The following ARL3 variants were observed in gnomAD, a reference collection of about 807,000 sequenced individuals.
The protein encoded by ARL3 is ARF like GTPase 3.
ARL3 carries 9 observed loss-of-function variants against 26.0 expected under a neutral mutation model. That is an observed-to-expected ratio of 0.35 (90% confidence interval 0.21 to 0.60). The LOEUF (loss-of-function observed/expected upper bound fraction) is 0.60. ARL3 is among the 20% of genes least tolerant of loss of function. The pLI, the probability that ARL3 is intolerant of heterozygous loss-of-function variation, is 0.78. For synonymous variants in ARL3, 71 were observed against 78.4 expected (o/e 0.91, Z 0.50); for missense variants, 158 against 215.7 (o/e 0.73, Z 1.67).
At chr10:102,701,037 G>A (rs2064277452) in intron 2 of ARL3, among the ~76,000 whole-genome samples, 1 of 152,072 alleles carries the variant, frequency 6.6e-6, no homozygotes, top group South Asian at 2.1e-4. Flanking sequence ...GCACCGGGCT[G>A]GAAGTCTTCA....
chr10:102,702,491 T>C (rs966495942), intron 2 of ARL3, among the ~76,000 whole-genome samples: 8 of 152,130 alleles, frequency 5.3e-5, no homozygotes, highest in Non-Finnish European at 2.9e-5. Flanking sequence ...CACAATATAA[T>C]ATCAGAGTTA....
In ARL3 at chr10:102,686,090, GAGACAGAGTCT is replaced by G. The variant is rs1590120688; in HGVS notation, c.316-100_316-90del. On this transcript the variant is annotated intron_variant, in intron 4 of 5. Transcript: ENST00000260746. ...ACACTACTTTTTTTTTTTTTTTTTT[GAGACAGAGTCT>G]CACTCTGTCACCCAGGCTGGAGTGC... 6 of 757,504 alleles carry G rather than the reference GAGACAGAGTCT, an allele frequency of 7.9e-6. No individual in the cohort carries two copies. The East Asian group carries it at 1.9e-4, about 23-fold the overall frequency. The allele number at this position is 757,504 out of a possible 1,614,324, so 46.9% of individuals were successfully genotyped here.
At chr10:102,697,333 C>A (rs2064253801) in intron 3 of ARL3, among the ~76,000 whole-genome samples, 1 of 152,156 alleles carries the variant, frequency 6.6e-6, no homozygotes, top group Non-Finnish European at 1.5e-5. Flanking sequence ...CATCCACCAC[C>A]ATGCCCAGCT....
Position 102,686,070 on chromosome 10 carries a change from A to G in ARL3, c.316-69T>C, listed in dbSNP as rs1052667934. Reference sequence around the variant, plus strand: ...CATCTATGATATTTAACCATACACTACTTTTTTTTTTTTTTTTTTGAGACA... The same window carrying G: ...CATCTATGATATTTAACCATACACTGCTTTTTTTTTTTTTTTTTTGAGACA... On this transcript the variant is annotated intron_variant, in intron 4 of 5. Coordinates refer to ENST00000260746, the MANE Select transcript of ARL3 (RefSeq NM_004311.4). The G allele has an allele frequency of 5.2e-6, 6 of 1,146,796 alleles. No individual in the cohort carries two copies. The African/African-American group carries it at 6.5e-5, about 12-fold the overall frequency. The allele number at this position is 1,146,796 out of a possible 1,614,324, so 71.0% of individuals were successfully genotyped here. A position where few individuals can be genotyped will look rare whatever the true frequency, so the allele number is the denominator to read the frequency against.
chr10:102,704,151 CAAAAAAAA>C (rs56326932), intron 2 of ARL3, among the ~76,000 whole-genome samples: 1 of 46,094 alleles, frequency 2.2e-5, no homozygotes, highest in Non-Finnish European at 3.7e-5. Context: ...ACTCTGTCTC[CAAAAAAAA>C]AAAAAAAAAA....
intron 5 of ARL3, among the ~76,000 whole-genome samples, chr10:102,678,586 C>G (rs927809834): frequency 3.3e-5 from 5 of 152,248 alleles, no homozygotes; most frequent in African/African-American, 1.2e-4. Context: ...TCAACACTCT[C>G]TCCTCTACGG....
In ARL3 at chr10:102,673,963, A is replaced by G. The variant is rs1041296549; in HGVS notation, c.*2931T>C. On this transcript the variant is annotated 3_prime_UTR_variant, in exon 6 of 6. Coordinates refer to ENST00000260746, the MANE Select transcript of ARL3 (RefSeq NM_004311.4). ...CCGAGAAGGAAAGGAAAGGGAAATC[A>G]AAGCAAACTCTGACGGGAATGGAGA... The G allele has an allele frequency of 1.3e-5, 2 of 152,636 alleles. No individual in the cohort carries two copies. Among genetic ancestry groups the G allele is most frequent in the Non-Finnish European group, 1.5e-5 (1 of 68,068 alleles). 9.5% of individuals were successfully genotyped at this position (152,636 alleles called of 1,614,324 possible).
At chr10:102,694,878 C>T (rs995165924) in intron 3 of ARL3, among the ~76,000 whole-genome samples, 5 of 152,108 alleles carry the variant, frequency 3.3e-5, no homozygotes, top group Non-Finnish European at 7.4e-5. Context: ...GCCACTACAC[C>T]CGGCTAATTT....
chr10:102,712,606 A>T (rs1564735064), intron 1 of ARL3, among the ~76,000 whole-genome samples: 2 of 152,212 alleles, frequency 1.3e-5, no homozygotes, highest in Non-Finnish European at 2.9e-5. Context: ...GGCAGTGGTT[A>T]ATTTACTGTG....
intron 1 of ARL3, 44 bp downstream of exon 1, chr10:102,714,229 G>A (rs2064367686): frequency 1.5e-6 from 2 of 1,313,552 alleles, no homozygotes; most frequent in South Asian, 6.3e-5. Context: ...GACGGGAGGG[G>A]GATAACCGGC....
intron 2 of ARL3, among the ~76,000 whole-genome samples, chr10:102,702,156 T>C (rs770612616): frequency 2.2e-4 from 34 of 152,070 alleles, no homozygotes; most frequent in Non-Finnish European, 4.4e-4. Context: ...GGTGCCACTG[T>C]ACTCCAGCCT....
At chr10:102,710,837 G>A (rs1417284552) in intron 1 of ARL3, among the ~76,000 whole-genome samples, 3 of 152,208 alleles carry the variant, frequency 2.0e-5, no homozygotes, top group Non-Finnish European at 2.9e-5. Flanking sequence ...GATGTGCTAT[G>A]GACTACAGAC....
intron 3 of ARL3, among the ~76,000 whole-genome samples, chr10:102,690,793 A>G (rs2064212931): frequency 6.6e-6 from 1 of 152,064 alleles, no homozygotes; most frequent in Non-Finnish European, 1.5e-5. Flanking sequence ...ACAAACCCTC[A>G]AATTAATAAA....
chr10:102,685,244 C>T (rs1431303722), intron 5 of ARL3, among the ~76,000 whole-genome samples: 7 of 67,410 alleles, frequency 1.0e-4, no homozygotes, highest in African/African-American at 1.2e-4. Flanking sequence ...AATGAAACTC[C>T]GTCTCAAAAA....
rs60736499 is a variant in ARL3, at chr10:102,708,886, T to TAATA, written c.4-3398_4-3397insTATT. The stretch of plus-strand genomic sequence containing the variant: ...CAAAAACAAAAAATAAAACCATATA[T>TAATA]TATATATATATATATATATATATTT... On this transcript the variant is annotated intron_variant, in intron 1 of 5. Transcript: ENST00000260746. 1.5e-3 allele frequency among the ~76,000 whole-genome samples: 134 copies of TAATA among 90,470 alleles called. 3 individuals carry two copies. The highest frequency in any genetic ancestry group is 3.4e-3 in the South Asian group (9 of 2,684). The allele number at this position is 90,470 out of a possible 152,430, so 59.4% of individuals were successfully genotyped here. A position where few individuals can be genotyped will look rare whatever the true frequency, so the allele number is the denominator to read the frequency against.
Position 102,713,603 on chromosome 10 carries a change from A to C in ARL3, c.3+670T>G, listed in dbSNP as rs2064360541. 5.3e-5 allele frequency among the ~76,000 whole-genome samples: 8 copies of C among 152,348 alleles called. No homozygotes were observed. In the South Asian group the frequency reaches 1.7e-3, roughly 32 times the overall value. On this transcript the variant is annotated intron_variant, in intron 1 of 5. Transcript: ENST00000260746. Reference sequence around the variant, plus strand: ...AATGAAAAATCGGTCATCACCAACAATCAGATCCTGCAAAACTCTCAGCAA... The same window carrying C: ...AATGAAAAATCGGTCATCACCAACACTCAGATCCTGCAAAACTCTCAGCAA...
At chr10:102,696,068 A>T (rs1250837282) in intron 3 of ARL3, among the ~76,000 whole-genome samples, 1 of 151,474 alleles carries the variant, frequency 6.6e-6, no homozygotes, top group African/African-American at 2.4e-5. Context: ...GGTTCATGCC[A>T]TTCTCCTGCC....
chr10:102,679,668 G>A (rs1253872629), intron 5 of ARL3, among the ~76,000 whole-genome samples: 3 of 152,116 alleles, frequency 2.0e-5, no homozygotes, highest in Non-Finnish European at 4.4e-5. Context: ...CTAAAAACAG[G>A]GGCCTGAGAC....
rs1250249480 is a variant in ARL3, at chr10:102,686,007, T to G, written c.316-6A>C. 3.7e-6 allele frequency: 6 copies of G among 1,610,848 alleles called. No homozygotes were observed. Among genetic ancestry groups the G allele is most frequent in the Non-Finnish European group, 5.1e-6 (6 of 1,177,938 alleles). On this transcript the variant is annotated splice_polypyrimidine_tract_variant and splice_region_variant and intron_variant, in intron 4 of 5. Coordinates refer to ENST00000260746, the MANE Select transcript of ARL3 (RefSeq NM_004311.4). Reference sequence around the variant, plus strand: ...TCCAGTAATTCCGCTAGTTCCTGGATTTTGAGAAGGGAGAGGGAGGGAAGG... The same window carrying G: ...TCCAGTAATTCCGCTAGTTCCTGGAGTTTGAGAAGGGAGAGGGAGGGAAGG...
Sources: gnomAD v4.1 joint callset for allele counts (sites outside exome capture counted in the v4.1 genomes callset) on GRCh38, gnomAD v4.1.1 for gene constraint, MANE v1.5 for transcripts, NCBI Gene and HGNC (gene_info 2026-07-23, HGNC 2026-07-21) for gene names.